Variants in PCDHA2 observed in about 807,000 individuals in gnomAD.
The protein encoded by PCDHA2 is protocadherin alpha-2.
PCDHA2 carries 58 observed loss-of-function variants against 66.0 expected under a neutral mutation model. The ratio of observed to expected loss-of-function variants is 0.88; its 90% CI spans 0.71 to 1.09. The LOEUF is 1.09. PCDHA2 is among the 50% of genes least tolerant of loss of function. The pLI, the probability that PCDHA2 is intolerant of heterozygous loss-of-function variation, is 0.00. For synonymous variants in PCDHA2, 634 were observed against 554.0 expected (o/e 1.14, Z -2.03); for missense variants, 1,267 against 1,242.3 (o/e 1.02, Z -0.30).
In PCDHA2 at chr5:140,852,980, G is replaced by A. The variant is rs2150526808; in HGVS notation, c.2388+55628G>A. The A allele has an allele frequency of 1.0e-4, 36 of 347,518 alleles. 1 individual carries two copies. The highest frequency in any genetic ancestry group is 1.4e-4 in the Non-Finnish European group (33 of 236,394). 21.5% of individuals were successfully genotyped at this position (347,518 alleles called of 1,614,324 possible). A position where few individuals can be genotyped will look rare whatever the true frequency, so the allele number is the denominator to read the frequency against. The stretch of plus-strand genomic sequence containing the variant: ...TCCAAGCTCCCCCTCCCGTGTTCAC[G>A]CCATTCTCCTGCCTCAGCCTCCCGA... On this transcript the variant is annotated intron_variant, in intron 1 of 3. Transcript: ENST00000526136.
chr5:140,850,367 G>T, intron 1 of PCDHA2: 3 of 1,597,916 alleles, frequency 1.9e-6, no homozygotes, highest in Non-Finnish European at 8.6e-7. Context: ...CGTTCCGCGT[G>T]GGGCTGTACA....
intron 1 of PCDHA2, chr5:140,830,545 CAT>C: frequency 8.7e-7 from 1 of 1,153,858 alleles, no homozygotes; most frequent in Non-Finnish European, 1.2e-6. Context: ...TTGTTTTCCT[CAT>C]ATTTGTCTTC....
rs868940218 is a variant in PCDHA2 at position 140,801,092 on chromosome 5, C to T, written c.2388+3740C>T. The T allele has an allele frequency of 5.3e-5, 80 of 1,496,068 alleles. No individual in the cohort carries two copies. In the Middle Eastern group the frequency reaches 1.6e-3, roughly 30 times the overall value. 92.7% of individuals were successfully genotyped at this position (1,496,068 alleles called of 1,614,324 possible). On this transcript the variant is annotated intron_variant, in intron 1 of 3. Coordinates refer to ENST00000526136, the MANE Select transcript of PCDHA2 (RefSeq NM_018905.3). ...CAGATACTGCTTTGCTTCATCCTCT[C>T]TAAAATTTAACACCGAGGAGTTTAA...
chr5:140,808,975 G>A lies in PCDHA2; in HGVS notation c.2388+11623G>A, dbSNP rs1764322859. 1.9e-6 allele frequency: 3 copies of A among 1,613,626 alleles called. No homozygotes were observed. The East Asian group carries it at 6.7e-5, about 36-fold the overall frequency. The stretch of plus-strand genomic sequence containing the variant: ...GCCACGTGGTGGCAAAGGTGCGCGC[G>A]GTGGATGCTGACTCGGGCTACAACG... On this transcript the variant is annotated intron_variant, in intron 1 of 3. Transcript: ENST00000526136.
chr5:141,000,421 ATT>A (rs34755515), intron 3 of PCDHA2, among the ~76,000 whole-genome samples: 627 of 27,724 alleles, frequency 0.023, 1 homozygote, highest in Middle Eastern at 0.071. Context: ...ATATATATAT[ATT>A]TTTTTTTTTT....
intron 1 of PCDHA2, chr5:140,868,880 A>G (rs1384235072): frequency 1.4e-6 from 1 of 698,244 alleles, no homozygotes; most frequent in Non-Finnish European, 2.3e-6. Flanking sequence ...CAGTACTCAC[A>G]GTTTTAGGCG....
In PCDHA2 at chr5:140,928,392, G is replaced by A. The variant is rs17844366; in HGVS notation, c.2389-50557G>A. 2.0e-4 allele frequency: 326 copies of A among 1,614,052 alleles called. No homozygotes were observed. The East Asian group carries it at 6.6e-3, about 32-fold the overall frequency. Reference sequence around the variant, plus strand: ...CATCAGCCTCTAGCTTGCTGGCAGTGGAATCATCCAGTGGGGCCATCACTG... The same window carrying A: ...CATCAGCCTCTAGCTTGCTGGCAGTAGAATCATCCAGTGGGGCCATCACTG... On this transcript the variant is annotated intron_variant, in intron 1 of 3. Transcript: ENST00000526136.
At chr5:140,897,395 G>A (rs1583270355) in intron 1 of PCDHA2, among the ~76,000 whole-genome samples, 1 of 135,586 alleles carries the variant, frequency 7.4e-6, no homozygotes, top group Middle Eastern at 5.0e-3. Flanking sequence ...GTGTCCATGT[G>A]TTCTCATTGT....
chr5:140,898,245 T>G (rs1583300763), intron 1 of PCDHA2, among the ~76,000 whole-genome samples: 1 of 152,246 alleles, frequency 6.6e-6, no homozygotes, highest in East Asian at 1.9e-4. Flanking sequence ...TTTGGTGTTT[T>G]AGACATGAAG....
chr5:140,856,041 A>T lies in PCDHA2; in HGVS notation c.2388+58689A>T, dbSNP rs797043647. Reference sequence around the variant, plus strand: ...ATTCGTCGATTTGTAAAACAAGAGAAGGATAAGATGGTTTCCAGATGTAGC... The same window carrying T: ...ATTCGTCGATTTGTAAAACAAGAGATGGATAAGATGGTTTCCAGATGTAGC... On this transcript the variant is annotated intron_variant, in intron 1 of 3. Coordinates refer to ENST00000526136, the MANE Select transcript of PCDHA2 (RefSeq NM_018905.3). 1.9e-6 allele frequency: 3 copies of T among 1,569,530 alleles called. No individual in the cohort carries two copies. The African/African-American group carries it at 4.1e-5, about 21-fold the overall frequency.
Position 140,803,234 on chromosome 5 carries a change from G to T in PCDHA2, c.2388+5882G>T, listed in dbSNP as rs34395025. 15,059 of 1,613,812 alleles carry T rather than the reference G, an allele frequency of 9.3e-3. 90 individuals are homozygous for T. The highest frequency in any genetic ancestry group is 0.02 in the Middle Eastern group (124 of 6,062). On this transcript the variant is annotated intron_variant, in intron 1 of 3. Coordinates refer to ENST00000526136, the MANE Select transcript of PCDHA2 (RefSeq NM_018905.3). Reference sequence around the variant, plus strand: ...AGAGTGGCCAGGCACCCAAGGCCTCGTCCCAGGCGTCCGCTGGCGCCACGG... The same window carrying T: ...AGAGTGGCCAGGCACCCAAGGCCTCTTCCCAGGCGTCCGCTGGCGCCACGG...
chr5:140,963,770 C>T (rs1296794666), intron 1 of PCDHA2, among the ~76,000 whole-genome samples: 2 of 152,176 alleles, frequency 1.3e-5, no homozygotes, highest in Non-Finnish European at 2.9e-5. Context: ...TATTTCATGA[C>T]GACAGCAACA....
intron 1 of PCDHA2, chr5:140,821,878 C>T (rs2150111566): frequency 3.1e-6 from 5 of 1,614,108 alleles, no homozygotes; most frequent in Non-Finnish European, 4.2e-6. Context: ...CTACTCGATC[C>T]CGGAGGAAGC....
chr5:140,822,803 A>G (rs2150119439), intron 1 of PCDHA2: 1 of 1,614,190 alleles, frequency 6.2e-7, no homozygotes, highest in Admixed American at 1.7e-5. Flanking sequence ...CTGGATGTGA[A>G]TGATAATACC....
chr5:140,856,488 T>C lies in PCDHA2; in HGVS notation c.2388+59136T>C. Reference sequence around the variant, plus strand: ...CTCTCAATACCTGAATCCAGACTGCTTGACTCTCGATTTCCACTAGAAGGC... The same window carrying C: ...CTCTCAATACCTGAATCCAGACTGCCTGACTCTCGATTTCCACTAGAAGGC... On this transcript the variant is annotated intron_variant, in intron 1 of 3. Coordinates refer to ENST00000526136, the MANE Select transcript of PCDHA2 (RefSeq NM_018905.3). 3.1e-6 allele frequency: 5 copies of C among 1,598,406 alleles called. 2 individuals carry two copies. Among genetic ancestry groups the C allele is most frequent in the Non-Finnish European group, 3.4e-6 (4 of 1,167,896 alleles).
intron 1 of PCDHA2, among the ~76,000 whole-genome samples, chr5:140,915,956 A>G (rs1170172761): frequency 6.6e-6 from 1 of 151,996 alleles, no homozygotes; most frequent in African/African-American, 2.4e-5. Flanking sequence ...ATACTTAGAA[A>G]TTTGCCTGAT....
intron 1 of PCDHA2, among the ~76,000 whole-genome samples, chr5:140,963,244 T>C (rs934081934): frequency 6.6e-6 from 1 of 151,988 alleles, no homozygotes; most frequent in Non-Finnish European, 1.5e-5. Flanking sequence ...ATGGATTAGG[T>C]AGGTTTTCAT....
At chr5:140,856,595 A>G in intron 1 of PCDHA2, 1 of 1,597,868 alleles carries the variant, frequency 6.3e-7, no homozygotes. Context: ...TGATATTATA[A>G]ACAAAAAAGA....
rs782788996 is a variant in PCDHA2 at position 140,802,655 on chromosome 5, G to T, written c.2388+5303G>T. The stretch of plus-strand genomic sequence containing the variant: ...CTGCGCGGGACGCGGACGCGCAGGA[G>T]AACGCCCTGGTGTCCTACTCGCTGG... On this transcript the variant is annotated intron_variant, in intron 1 of 3. Transcript: ENST00000526136. 40 of 1,613,530 alleles carry T rather than the reference G, an allele frequency of 2.5e-5. No individual in the cohort carries two copies. The Admixed American group carries it at 5.0e-4, about 20-fold the overall frequency.
Sources: allele counts gnomAD v4.1 joint callset (sites outside exome capture counted in the v4.1 genomes callset), GRCh38; gene constraint gnomAD v4.1.1; transcripts MANE v1.5; gene names NCBI Gene and HGNC (gene_info 2026-07-23, HGNC 2026-07-21).